Variants in CDH4 observed in about 807,000 individuals in gnomAD.
CDH4 encodes the protein cadherin-4.
In CDH4, 33 loss-of-function variants were observed where a neutral mutation model predicts 86.0. That is an observed-to-expected ratio of 0.38 (90% CI 0.29 to 0.51). The LOEUF (loss-of-function observed/expected upper bound fraction) is 0.51, where lower values mean the gene tolerates loss of function less well. CDH4 is among the 20% of genes least tolerant of loss of function. The probability of loss-of-function intolerance (pLI) is 0.86; values close to 1 mark genes in which losing one functional copy is unlikely to be tolerated. For missense variants in CDH4, 1,114 were observed against 1,307.4 expected, an observed-to-expected ratio of 0.85 and a Z score of 2.28; for synonymous variants, 555 against 549.4, an observed-to-expected ratio of 1.01 and a Z score of -0.14.
intron 2 of CDH4, among the ~76,000 whole-genome samples, chr20:61,383,631 CA>C (rs1568823156): frequency 6.3e-4 from 1 of 1,586 alleles, no homozygotes; most frequent in Non-Finnish European, 2.1e-3. Context: ...TGATATATAT[CA>C]TATATGAATA....
chr20:61,656,287 G>A (rs1179652830), intron 2 of CDH4, among the ~76,000 whole-genome samples: 4 of 122,978 alleles, frequency 3.3e-5, no homozygotes, highest in African/African-American at 6.9e-5. Flanking sequence ...GTGGGCAGGC[G>A]CGTGCTGGGG....
At chr20:61,740,408 C>G (rs1445777481) in intron 2 of CDH4, 2 of 152,202 alleles carry the variant, frequency 1.3e-5, no homozygotes, top group Non-Finnish European at 2.9e-5. Context: ...AGTTTCCAAA[C>G]AGATTGTTCA....
chr20:61,582,441 A>G lies in CDH4; in HGVS notation c.170-161122A>G, dbSNP rs568727177. On this transcript the variant is annotated intron_variant, in intron 2 of 15. Coordinates refer to ENST00000614565, the MANE Select transcript of CDH4 (RefSeq NM_001794.5). This position sits in a 1 kb window ranked among gnomAD's most constrained non-coding sequence, Gnocchi z 4.2. ...CGCAAGTCCTTCTCAGAACCATCCC[A>G]TGTGCCTGTCCCTGTGGCCCTGGGC... Among the ~76,000 whole-genome samples, 2 of 152,208 alleles carry G rather than the reference A, an allele frequency of 1.3e-5. No individual in the cohort carries two copies. The highest frequency in any genetic ancestry group is 3.9e-4 in the East Asian group (2 of 5,164).
intron 8 of CDH4, among the ~76,000 whole-genome samples, chr20:61,907,344 G>A (rs149622164): frequency 0.011 from 1,679 of 152,222 alleles, 32 homozygotes; most frequent in African/African-American, 0.036. Flanking sequence ...TCCTCTGCCC[G>A]GGGCCTGGCC....
At chr20:61,835,825 C>G (rs1981846507) in intron 4 of CDH4, among the ~76,000 whole-genome samples, 1 of 152,226 alleles carries the variant, frequency 6.6e-6, no homozygotes, top group African/African-American at 2.4e-5. Flanking sequence ...CTGAGCGCCA[C>G]AGTCAGGTCG....
In CDH4 at chr20:61,489,965, T is replaced by A. The variant is rs568203603; in HGVS notation, c.169+235028T>A. On this transcript the variant is annotated intron_variant, in intron 2 of 15. Coordinates refer to ENST00000614565, the MANE Select transcript of CDH4 (RefSeq NM_001794.5). The stretch of plus-strand genomic sequence containing the variant: ...AGGTCATGGGCCCAAGGAGTTGTAT[T>A]TTTTTTTAAATTTTTCAGATCATTG... Among the ~76,000 whole-genome samples the A allele has an allele frequency of 3.3e-5, 5 of 152,076 alleles. No homozygotes were observed. The East Asian group carries it at 5.8e-4, about 18-fold the overall frequency.
intron 2 of CDH4, among the ~76,000 whole-genome samples, chr20:61,452,745 A>G (rs2085387582): frequency 6.6e-6 from 1 of 152,194 alleles, no homozygotes. Flanking sequence ...TTTTATGTGT[A>G]AAGGCCTTGC....
rs1017133110 is a variant in CDH4, at chr20:61,501,075, C to T, written c.170-242488C>T. On this transcript the variant is annotated intron_variant, in intron 2 of 15. Transcript: ENST00000614565. This position sits in a 1 kb window ranked among gnomAD's most constrained non-coding sequence, Gnocchi z 4.2. Reference sequence around the variant, plus strand: ...GGAGAGAACTTTCTTCTCCGACAGACGGTTCATGATTTCCAAGGTCTTCTC... The same window carrying T: ...GGAGAGAACTTTCTTCTCCGACAGATGGTTCATGATTTCCAAGGTCTTCTC... Among the ~76,000 whole-genome samples the T allele has an allele frequency of 2.1e-4, 32 of 152,314 alleles. No individual in the cohort carries two copies. Among genetic ancestry groups the T allele is most frequent in the African/African-American group, 4.3e-4 (18 of 41,562 alleles).
chr20:61,411,752 G>A (rs897224224), intron 2 of CDH4, among the ~76,000 whole-genome samples: 1 of 152,240 alleles, frequency 6.6e-6, no homozygotes, highest in African/African-American at 2.4e-5. Flanking sequence ...GAGGTTGGGG[G>A]TGTGTCTGGG....
Position 61,622,891 on chromosome 20 carries a change from CAG to C in CDH4, c.170-120671_170-120670del, listed in dbSNP as rs146449238. Among the ~76,000 whole-genome samples, 644 of 152,244 alleles carry C rather than the reference CAG, an allele frequency of 4.2e-3. 8 individuals are homozygous for C. Among genetic ancestry groups the C allele is most frequent in the African/African-American group, 0.014 (602 of 41,564 alleles). ...CATTTGAGTTAGAGGGGACCTGAAT[CAG>C]GGGAGGTGGCTGCGGAGTTTAAGAG... On this transcript the variant is annotated intron_variant, in intron 2 of 15. Coordinates refer to ENST00000614565, the MANE Select transcript of CDH4 (RefSeq NM_001794.5).
intron 2 of CDH4, among the ~76,000 whole-genome samples, chr20:61,619,303 C>CA (rs1177388122): frequency 6.6e-6 from 1 of 152,244 alleles, no homozygotes; most frequent in Admixed American, 6.5e-5. Context: ...GCGTGCCCCC[C>CA]ACTCCTTCAC....
Position 61,699,921 on chromosome 20 carries a change from G to T in CDH4, c.170-43642G>T, listed in dbSNP as rs1242490762. ...AGTACAAACCAAACAGTGAGGCCAG[G>T]GGTTTCCACTGTTGGGGGGCCCCAT... is the stretch of plus-strand genomic sequence containing the variant. On this transcript the variant is annotated intron_variant, in intron 2 of 15. Coordinates refer to ENST00000614565, the MANE Select transcript of CDH4 (RefSeq NM_001794.5). Among the ~76,000 whole-genome samples the T allele has an allele frequency of 2.0e-5, 3 of 152,212 alleles. No individual in the cohort carries two copies. The East Asian group carries it at 5.8e-4, about 29-fold the overall frequency.
intron 2 of CDH4, among the ~76,000 whole-genome samples, chr20:61,630,287 C>T (rs1436870260): frequency 6.6e-6 from 1 of 152,200 alleles, no homozygotes. Flanking sequence ...GTACCTGATA[C>T]ACCTGGGAGT....
chr20:61,855,461 G>A (rs1982956564), intron 6 of CDH4, among the ~76,000 whole-genome samples: 1 of 152,172 alleles, frequency 6.6e-6, no homozygotes, highest in Non-Finnish European at 1.5e-5. Flanking sequence ...GAGGACACAG[G>A]AGCCCCTCGC....
intron 2 of CDH4, among the ~76,000 whole-genome samples, chr20:61,690,232 A>G (rs930708756): frequency 1.3e-5 from 2 of 151,792 alleles, no homozygotes; most frequent in African/African-American, 4.8e-5. Flanking sequence ...CTGATGTGTA[A>G]TTGGGCGGGG....
intron 2 of CDH4, among the ~76,000 whole-genome samples, chr20:61,695,739 C>G (rs1019245508): frequency 6.6e-6 from 1 of 152,218 alleles, no homozygotes; most frequent in Non-Finnish European, 1.5e-5. Context: ...ATGGTGAGCC[C>G]TGGCATCTCA....
chr20:61,718,902 TG>T, intron 2 of CDH4: 1 of 471,070 alleles, frequency 2.1e-6, no homozygotes, highest in Admixed American at 2.3e-5. Context: ...GTCTGCTGCT[TG>T]TTGGAGCTCT....
At chr20:61,526,915 T>G (rs962343288) in intron 2 of CDH4, among the ~76,000 whole-genome samples, 6 of 152,238 alleles carry the variant, frequency 3.9e-5, no homozygotes, top group African/African-American at 1.4e-4. Flanking sequence ...TCTAATTATG[T>G]TCTTTCGGAA....
At chr20:61,742,635 G>C (rs6061788) in intron 2 of CDH4, among the ~76,000 whole-genome samples, 33,404 of 152,102 alleles carry the variant, frequency 0.22, 4,482 homozygotes, top group African/African-American at 0.38. Flanking sequence ...TGGCTTTTAT[G>C]AGCAGAATGT....
Sources: gnomAD v4.1 joint callset for allele counts (sites outside exome capture counted in the v4.1 genomes callset) on GRCh38, gnomAD v4.1.1 for gene constraint, Gnocchi (gnomAD v3.1) non-coding constraint, MANE v1.5 for transcripts, NCBI Gene and HGNC (gene_info 2026-07-23, HGNC 2026-07-21) for gene names.